Variants in SFRP1 observed in about 807,000 individuals in gnomAD.
The protein encoded by SFRP1 is secreted frizzled-related protein 1.
In SFRP1, 9 loss-of-function variants were observed where a neutral mutation model predicts 25.9. The observed-to-expected ratio is 0.35, with a 90% CI of 0.21 to 0.61. The LOEUF (loss-of-function observed/expected upper bound fraction) is 0.61. Ranked by LOEUF, SFRP1 falls within the 20% of genes least tolerant of loss-of-function variation. SFRP1 has a pLI of 0.78. For synonymous variants in SFRP1, 178 were observed against 174.0 expected, an observed-to-expected ratio of 1.02 and a Z score of -0.18; for missense variants, 346 against 418.2, an observed-to-expected ratio of 0.83 and a Z score of 1.51.
At chr8:41,294,903 G>A (rs558445205) in intron 2 of SFRP1, among the ~76,000 whole-genome samples, 1 of 152,250 alleles carries the variant, frequency 6.6e-6, no homozygotes, top group Admixed American at 6.5e-5. Context: ...GAAGGACCCA[G>A]CGTGCAGCAT....
intron 2 of SFRP1, among the ~76,000 whole-genome samples, chr8:41,267,608 G>A (rs1329462677): frequency 2.0e-5 from 3 of 152,140 alleles, no homozygotes; most frequent in African/African-American, 7.2e-5. Context: ...AATTATGAAA[G>A]CATGTGACCT....
intron 2 of SFRP1, among the ~76,000 whole-genome samples, chr8:41,291,298 T>G (rs916300253): frequency 6.6e-6 from 1 of 152,154 alleles, no homozygotes; most frequent in Non-Finnish European, 1.5e-5. Context: ...CAAATCTCCA[T>G]TCTGTAAGAA....
intron 2 of SFRP1, among the ~76,000 whole-genome samples, chr8:41,295,946 T>C (rs1803838814): frequency 6.6e-6 from 1 of 152,154 alleles, no homozygotes; most frequent in Admixed American, 6.5e-5. Flanking sequence ...TCACCAACTA[T>C]TTGTGGGATG....
intron 2 of SFRP1, chr8:41,271,516 C>T: frequency 1.1e-5 from 2 of 187,854 alleles, no homozygotes; most frequent in Admixed American, 4.8e-5. Flanking sequence ...TCAATATGTG[C>T]TGCCAGTGTT....
At chr8:41,285,433 T>C (rs1449673285) in intron 2 of SFRP1, among the ~76,000 whole-genome samples, 2 of 152,150 alleles carry the variant, frequency 1.3e-5, no homozygotes, top group African/African-American at 4.8e-5. Context: ...CTTCCACAAA[T>C]GCAAGCAAGC....
chr8:41,278,322 C>G (rs1171063103), intron 2 of SFRP1, among the ~76,000 whole-genome samples: 2 of 152,246 alleles, frequency 1.3e-5, no homozygotes, highest in Non-Finnish European at 2.9e-5. Flanking sequence ...GGAGAGTCAG[C>G]AGACCCCAGC....
intron 2 of SFRP1, among the ~76,000 whole-genome samples, chr8:41,272,342 C>T (rs561438473): frequency 1.2e-4 from 18 of 152,326 alleles, no homozygotes; most frequent in East Asian, 3.9e-4. Context: ...CGGTGGCTCA[C>T]GCCTGTAATC....
intron 2 of SFRP1, among the ~76,000 whole-genome samples, chr8:41,294,328 G>T (rs745885916): frequency 6.6e-6 from 1 of 152,098 alleles, no homozygotes; most frequent in African/African-American, 2.4e-5. Flanking sequence ...CATCCATTGC[G>T]GAAGACACCG....
At chr8:41,294,750 T>C (rs1210366537) in intron 2 of SFRP1, among the ~76,000 whole-genome samples, 1 of 151,914 alleles carries the variant, frequency 6.6e-6, no homozygotes, top group Admixed American at 6.6e-5. Context: ...ACCAACACCT[T>C]TTACATTCAA....
chr8:41,307,101 G>T lies in SFRP1; in HGVS notation c.544+1515C>A, dbSNP rs567634010. On this transcript the variant is annotated intron_variant, in intron 1 of 2. Transcript: ENST00000220772. ...GGGCTAATCCCCGCTGGCTGAGGAA[G>T]GGGAGAAGGAAATTCCCGCAGGCTG... is the stretch of plus-strand genomic sequence containing the variant. The T allele has an allele frequency of 1.3e-5, 15 of 1,180,056 alleles. No individual in the cohort carries two copies. In the East Asian group the frequency reaches 1.5e-4, roughly 12 times the overall value. 73.1% of individuals were successfully genotyped at this position (1,180,056 alleles called of 1,614,324 possible).
At chr8:41,281,190 G>A (rs193039118) in intron 2 of SFRP1, among the ~76,000 whole-genome samples, 77 of 152,276 alleles carry the variant, frequency 5.1e-4, no homozygotes, top group African/African-American at 1.8e-3. Flanking sequence ...GAGGGAGTGG[G>A]AGTCCTCTCT....
chr8:41,263,955 G>C lies in SFRP1; in HGVS notation c.*1212C>G, dbSNP rs1366902270. 1 of 152,138 alleles carries C rather than the reference G, an allele frequency of 6.6e-6. No homozygotes were observed. The highest frequency in any genetic ancestry group is 1.5e-5 in the Non-Finnish European group (1 of 68,016). 9.4% of individuals were successfully genotyped at this position (152,138 alleles called of 1,614,324 possible). A position where few individuals can be genotyped will look rare whatever the true frequency, so the allele number is the denominator to read the frequency against. ...AAAGGAAATGTTTCTTTACAGGAAA[G>C]AAAAAAACGGAAAGCTCTGTGAGTT... is the stretch of plus-strand genomic sequence containing the variant. On this transcript the variant is annotated 3_prime_UTR_variant, in exon 3 of 3. Transcript: ENST00000220772.
intron 2 of SFRP1, 139 bp from the exon 3 acceptor site, chr8:41,265,628 T>A: frequency 1.6e-6 from 1 of 619,256 alleles, no homozygotes; most frequent in African/African-American, 1.9e-5. Flanking sequence ...TGTAAATATA[T>A]ATGTTTTTAA....
chr8:41,286,020 CG>C (rs1287384550), intron 2 of SFRP1, among the ~76,000 whole-genome samples: 3 of 24,986 alleles, frequency 1.2e-4, no homozygotes, highest in African/African-American at 4.9e-4. Flanking sequence ...TGGAACTGGG[CG>C]GGGGGAGGGG....
intron 2 of SFRP1, among the ~76,000 whole-genome samples, chr8:41,289,909 T>C (rs991867439): frequency 5.3e-5 from 8 of 152,210 alleles, no homozygotes; most frequent in East Asian, 1.9e-4. Flanking sequence ...CTCTCTCAAG[T>C]GCTGGGGGAG....
intron 2 of SFRP1, 129 bp downstream of exon 2, chr8:41,303,332 C>A: frequency 1.4e-6 from 1 of 714,908 alleles, no homozygotes; most frequent in South Asian, 1.7e-5. Flanking sequence ...GAAAAGCAGC[C>A]ATTTGGAGAG....
chr8:41,274,331 GCT>G (rs1803546801), intron 2 of SFRP1, among the ~76,000 whole-genome samples: 1 of 152,202 alleles, frequency 6.6e-6, no homozygotes, highest in African/African-American at 2.4e-5. Flanking sequence ...AAAGCTTGGG[GCT>G]GAATTCATAA....
At position 41,299,897 on chromosome 8, in the gene SFRP1, C is replaced by G. The variant is rs557440732; in HGVS notation, c.622+3564G>C. Among the ~76,000 whole-genome samples the G allele has an allele frequency of 1.6e-4, 25 of 152,234 alleles. No individual in the cohort carries two copies. In the South Asian group the frequency reaches 5.0e-3, roughly 30 times the overall value. On this transcript the variant is annotated intron_variant, in intron 2 of 2. Transcript: ENST00000220772. ...TGTTTTGTCAGTAGTACAAACTGAA[C>G]AGTGTGTCTCACAATTAACAGGCAT...
In SFRP1 at chr8:41,309,330, TCGGCCTGCGGTCGGAGG is replaced by T. The variant is rs1332924211; in HGVS notation, c.-188_-172del. The T allele has an allele frequency of 1.7e-4, 122 of 731,868 alleles. No individual in the cohort carries two copies. In the East Asian group the frequency reaches 5.0e-3, roughly 30 times the overall value. The allele number at this position is 731,868 out of a possible 1,614,324, so 45.3% of individuals were successfully genotyped here. ...CGGTCCCCCCGGCCAGTGGCGGCCC[TCGGCCTGCGGTCGGAGG>T]CGGCGCGGGCGGGGAGGCGGCGCTG... On this transcript the variant is annotated 5_prime_UTR_variant, in exon 1 of 3. Transcript: ENST00000220772.
Sources: allele counts gnomAD v4.1 joint callset (sites outside exome capture counted in the v4.1 genomes callset), GRCh38; gene constraint gnomAD v4.1.1; transcripts MANE v1.5; gene names NCBI Gene and HGNC (gene_info 2026-07-23, HGNC 2026-07-21).